ADGRV1: variants seen among roughly 807,000 people sequenced by gnomAD.
ADGRV1 encodes G-protein coupled receptor 98.
In ADGRV1, 359 loss-of-function variants were observed where a neutral mutation model predicts 596.2. The ratio of observed to expected loss-of-function variants is 0.60; its 90% CI spans 0.55 to 0.66. The LOEUF is 0.66. ADGRV1 is among the 30% of genes least tolerant of loss of function. The probability of loss-of-function intolerance (pLI) is 0.00; values close to 1 mark genes in which losing one functional copy is unlikely to be tolerated. For synonymous variants in ADGRV1, 2,681 were observed against 2,679.2 expected (o/e 1.00, Z -0.02); for missense variants, 7,274 against 7,575.6 (o/e 0.96, Z 1.48).
chr5:90,574,194 GA>G (rs1756913981), intron 1 of ADGRV1, among the ~76,000 whole-genome samples: 1 of 151,732 alleles, frequency 6.6e-6, no homozygotes, highest in Admixed American at 6.6e-5. Context: ...ATTCTGTGAA[GA>G]ATGATGTTGG....
At chr5:91,088,984 T>C (rs1414093461) in intron 86 of ADGRV1, among the ~76,000 whole-genome samples, 2 of 152,060 alleles carry the variant, frequency 1.3e-5, no homozygotes, top group African/African-American at 4.8e-5. Flanking sequence ...CTGAACACCA[T>C]TGTTTCCCTT....
chr5:90,958,766 AACTTAATTACCTCTTTAAAAACCTTATCT>A (rs1466019448), intron 83 of ADGRV1, among the ~76,000 whole-genome samples: 1 of 152,226 alleles, frequency 6.6e-6, no homozygotes, highest in Non-Finnish European at 1.5e-5. Context: ...ACCTCTTCTT[AACTTAATTACCTCTTTAAAAACCTTATCT>A]TCAAATACAG....
At chr5:90,970,086 C>A (rs138007459) in intron 84 of ADGRV1, among the ~76,000 whole-genome samples, 2,954 of 152,352 alleles carry the variant, frequency 0.019, 45 homozygotes, top group Middle Eastern at 0.037. Flanking sequence ...TATCCCGTGC[C>A]TGGCTCGGAG....
intron 73 of ADGRV1, among the ~76,000 whole-genome samples, chr5:90,808,853 GCCACAGTGCT>G (rs1186249578): frequency 6.6e-6 from 1 of 152,046 alleles, no homozygotes; most frequent in Non-Finnish European, 1.5e-5. Context: ...CTGAGATCGC[GCCACAGTGCT>G]CCAGCCTGGG....
At chr5:90,805,062 G>A (rs959536632) in intron 71 of ADGRV1, 9 of 344,344 alleles carry the variant, frequency 2.6e-5, no homozygotes, top group African/African-American at 6.3e-5. Context: ...AAAAGATAAC[G>A]TTTTGATTAA....
At chr5:91,107,782 A>G (rs528573869) in intron 87 of ADGRV1, among the ~76,000 whole-genome samples, 17 of 152,208 alleles carry the variant, frequency 1.1e-4, no homozygotes, top group Admixed American at 3.9e-4. Flanking sequence ...GCAGTAATTA[A>G]ATAAATATAA....
At chr5:90,618,748 G>C (rs1763680607) in intron 3 of ADGRV1, among the ~76,000 whole-genome samples, 2 of 151,758 alleles carry the variant, frequency 1.3e-5, no homozygotes, top group Non-Finnish European at 2.9e-5. Flanking sequence ...ATAGAATTTT[G>C]TACTGTGTAC....
intron 1 of ADGRV1, among the ~76,000 whole-genome samples, chr5:90,563,880 C>T (rs796666558): frequency 3.3e-5 from 5 of 152,300 alleles, no homozygotes; most frequent in African/African-American, 1.2e-4. Context: ...CATGTATACA[C>T]TCATATTTCT....
At chr5:90,772,335 T>G (rs889420868) in intron 59 of ADGRV1, among the ~76,000 whole-genome samples, 1 of 152,234 alleles carries the variant, frequency 6.6e-6, no homozygotes, top group Non-Finnish European at 1.5e-5. Context: ...ACACCTTGAC[T>G]TTGTTTCAGC....
chr5:91,069,928 C>CAAAAAAAAAAAAAAA (rs70973728), intron 85 of ADGRV1, among the ~76,000 whole-genome samples: 1 of 136,876 alleles, frequency 7.3e-6, no homozygotes, highest in Non-Finnish European at 1.6e-5. Context: ...AATGTAGCCA[C>CAAAAAAAAAAAAAAA]AAAAAAAAAA....
chr5:90,627,739 GA>G lies in ADGRV1; in HGVS notation c.1204del (p.Arg402GlyfsTer4), dbSNP rs1184492556. On this transcript the variant is annotated frameshift_variant, in exon 7 of 90. Coordinates refer to ENST00000405460, the MANE Select transcript of ADGRV1 (RefSeq NM_032119.4). LOFTEE classifies it high-confidence loss of function. ...CCTTTCATTCAACAGTGTTTTGTTT[GA>G]AAGGACAGTTATAATTGATGAAGAT... ...GVLSFNSVLFERTVIIDEDRI... is the reference protein window; with the variant it reads ...GVLSFNSVLFXRTVIIDEDRI... 1 of 1,584,634 alleles carries G rather than the reference GA, an allele frequency of 6.3e-7. No homozygotes were observed. The highest frequency in any genetic ancestry group is 8.6e-7 in the Non-Finnish European group (1 of 1,165,228).
chr5:90,781,211 G>T, intron 64 of ADGRV1: 1 of 546,034 alleles, frequency 1.8e-6, no homozygotes, highest in Admixed American at 3.1e-5. Context: ...TTTTGGCTTC[G>T]TACAGGCACC....
chr5:90,585,632 G>C (rs1004347356), intron 1 of ADGRV1, among the ~76,000 whole-genome samples: 1 of 152,184 alleles, frequency 6.6e-6, no homozygotes, highest in African/African-American at 2.4e-5. Context: ...GGGAAGGGGA[G>C]CCCAGGAGTA....
intron 75 of ADGRV1, among the ~76,000 whole-genome samples, chr5:90,820,767 G>A (rs947886479): frequency 6.6e-6 from 1 of 151,622 alleles, no homozygotes; most frequent in African/African-American, 2.4e-5. Context: ...GGCTTGTAGG[G>A]TTTCTGCCGA....
In ADGRV1 at chr5:90,985,428, C is replaced by G. The variant is rs1219405761; in HGVS notation, c.18058C>G (p.Leu6020Val). 6.2e-7 allele frequency: 1 copy of G among 1,613,608 alleles called. No homozygotes were observed. The highest frequency in any genetic ancestry group is 1.7e-5 in the Admixed American group (1 of 60,008). Reference protein sequence around the residue: ...YLLFFLLSWGLPAFVVILLIV... With the variant: ...YLLFFLLSWGVPAFVVILLIV... Reference sequence around the variant, plus strand: ...GCTGTTTTTCCTTCTGAGTTGGGGACTACCAGCTTTTGTGGTGATTCTCCT... The same window carrying G: ...GCTGTTTTTCCTTCTGAGTTGGGGAGTACCAGCTTTTGTGGTGATTCTCCT... Residue 6020 changes from leucine to valine, a missense_variant, in exon 85 of 90, where the codon CTA (leucine) becomes GTA (valine). Physicochemically the swap from Leu to Val is conservative, Grantham distance 32. This residue lies in a region of ADGRV1 where 1,874 missense variants were observed against 1,970.2 expected (regional missense o/e 0.95). Coordinates refer to ENST00000405460, the MANE Select transcript of ADGRV1 (RefSeq NM_032119.4).
intron 21 of ADGRV1, among the ~76,000 whole-genome samples, chr5:90,667,398 T>G (rs190930957): frequency 1.4e-5 from 2 of 146,848 alleles, no homozygotes; most frequent in Non-Finnish European, 3.0e-5. Flanking sequence ...TCCAGTTGAT[T>G]GCATCAGCTC....
chr5:91,147,030 G>A (rs1795593743), intron 87 of ADGRV1, among the ~76,000 whole-genome samples: 1 of 152,098 alleles, frequency 6.6e-6, no homozygotes, highest in East Asian at 1.9e-4. Context: ...AGCCAAACAT[G>A]GTGAAACACG....
chr5:90,965,144 TAAGAAC>T (rs1778341106), intron 83 of ADGRV1, among the ~76,000 whole-genome samples: 1 of 152,340 alleles, frequency 6.6e-6, no homozygotes, highest in South Asian at 2.1e-4. Context: ...TCATCAATGA[TAAGAAC>T]AAGGTTTACT....
Position 90,783,880 on chromosome 5 carries a change from T to G in ADGRV1, c.13476T>G (p.Thr4492=). ...TTGAAATTCTACTCACTGGAGCTAC[T>G]GGAGGAGCGGTCCTTGGGCGCCACC... ...EPIEILLTGA[T]GGAVLGRHLV... The change falls in exon 67 of 90, where the codon ACT becomes ACG. Residue 4492 remains threonine (T), a synonymous_variant. Coordinates refer to ENST00000405460, the MANE Select transcript of ADGRV1 (RefSeq NM_032119.4). The G allele has an allele frequency of 3.1e-6, 5 of 1,611,654 alleles. No individual in the cohort carries two copies. The highest frequency in any genetic ancestry group is 1.7e-4 in the Middle Eastern group (1 of 5,954).
Sources: gnomAD v4.1 joint callset for allele counts (sites outside exome capture counted in the v4.1 genomes callset) on GRCh38, gnomAD v4.1.1 for gene constraint, gnomAD v4.1.1 regional missense constraint, MANE v1.5 for transcripts, NCBI Gene and HGNC (gene_info 2026-07-23, HGNC 2026-07-21) for gene names.